Variants in SOX6 observed in about 807,000 individuals in gnomAD.
SOX6 encodes transcription factor SOX-6.
A neutral mutation model predicts 97.8 loss-of-function variants in SOX6; 11 were observed. That is an observed-to-expected ratio of 0.11 (90% CI 0.07 to 0.19). The LOEUF (loss-of-function observed/expected upper bound fraction) is 0.19, where lower values mean the gene tolerates loss of function less well. Among genes scored for constraint, SOX6 ranks in the 10% least tolerant of loss-of-function variants. The pLI, the probability that SOX6 is intolerant of heterozygous loss-of-function variation, is 1.00. For missense variants in SOX6, 810 were observed against 1,039.5 expected (o/e 0.78, Z 3.04); for synonymous variants, 360 against 371.4 (o/e 0.97, Z 0.35).
At chr11:16,285,028 T>C (rs1209986548) in intron 3 of SOX6, among the ~76,000 whole-genome samples, 1 of 152,152 alleles carries the variant, frequency 6.6e-6, no homozygotes, top group East Asian at 1.9e-4. Context: ...TATAATTTTT[T>C]AGATAAAACA....
At chr11:16,291,194 G>A (rs1377507908) in intron 3 of SOX6, among the ~76,000 whole-genome samples, 2 of 146,080 alleles carry the variant, frequency 1.4e-5, no homozygotes, top group Non-Finnish European at 3.0e-5. Context: ...TTTTCAGCAG[G>A]CAATTTATAA....
At chr11:16,229,769 C>T (rs1457111069) in intron 4 of SOX6, among the ~76,000 whole-genome samples, 2 of 151,710 alleles carry the variant, frequency 1.3e-5, no homozygotes, top group African/African-American at 4.8e-5. Flanking sequence ...AAAAAGAAAT[C>T]TCCAAAGAAA....
rs1853156678 is a variant in SOX6, at chr11:15,966,937, A to C, written c.*5872T>G. On this transcript the variant is annotated 3_prime_UTR_variant, in exon 16 of 16. Transcript: ENST00000683767. ...TTTTTTTTATTTTTCCCATTTCTTT[A>C]ATCCTTAGCAAACTTTTTATTATTA... is the stretch of plus-strand genomic sequence containing the variant. 6.6e-6 allele frequency: 1 copy of C among 152,142 alleles called. No homozygotes were observed. Among genetic ancestry groups the C allele is most frequent in the South Asian group, 2.1e-4 (1 of 4,832 alleles). The allele number at this position is 152,142 out of a possible 1,614,324, so 9.4% of individuals were successfully genotyped here.
upstream of SOX6, among the ~76,000 whole-genome samples, chr11:16,477,688 A>T (rs1590217955): frequency 6.6e-6 from 1 of 152,322 alleles, no homozygotes; most frequent in East Asian, 1.9e-4. Flanking sequence ...ATCTCTAAAA[A>T]AAGTTTTTTT....
chr11:16,360,162 T>C (rs549025505), upstream of SOX6, among the ~76,000 whole-genome samples: 27 of 152,154 alleles, frequency 1.8e-4, no homozygotes, highest in Non-Finnish European at 3.8e-4. Flanking sequence ...TTGTCCCCCA[T>C]TTCACAGAAG....
intron 4 of SOX6, among the ~76,000 whole-genome samples, chr11:16,494,263 C>A (rs1860558359): frequency 6.6e-6 from 1 of 152,154 alleles, no homozygotes; most frequent in South Asian, 2.1e-4. Context: ...GTAGTCCCAG[C>A]TACTCAGGAG....
intron 15 of SOX6, among the ~76,000 whole-genome samples, chr11:15,978,949 TA>T (rs1464547287): frequency 1.2e-3 from 172 of 138,900 alleles, no homozygotes; most frequent in African/African-American, 4.2e-3. Flanking sequence ...AAAATAAGCA[TA>T]TATAATGCTT....
intron 3 of SOX6, among the ~76,000 whole-genome samples, chr11:16,262,196 G>A (rs1853921612): frequency 6.6e-6 from 1 of 152,024 alleles, no homozygotes; most frequent in African/African-American, 2.4e-5. Context: ...CTCTATATGA[G>A]CATCAAATGT....
chr11:16,386,297 T>A (rs1857982250), intron 1 of SOX6, among the ~76,000 whole-genome samples: 1 of 151,590 alleles, frequency 6.6e-6, no homozygotes, highest in Admixed American at 6.6e-5. Flanking sequence ...ACTTTCCTGA[T>A]TCTAAGTTGA....
At chr11:16,122,574 C>T (rs1849519971) in intron 6 of SOX6, among the ~76,000 whole-genome samples, 1 of 152,054 alleles carries the variant, frequency 6.6e-6, no homozygotes, top group South Asian at 2.1e-4. Context: ...TGAAGGCAAT[C>T]TGGCTTTCAC....
chr11:15,993,170 T>A lies in SOX6; in HGVS notation c.1733-3940A>T, dbSNP rs942984326. On this transcript the variant is annotated intron_variant, in intron 13 of 15. Transcript: ENST00000683767. ...CCTTATAAATAGATAAGAAAAATTT[T>A]ACAGCATACTATAAATTGTTTTCAA... Among the ~76,000 whole-genome samples, 10 of 152,208 alleles carry A rather than the reference T, an allele frequency of 6.6e-5. No individual in the cohort carries two copies. The East Asian group carries it at 1.9e-3, about 29-fold the overall frequency.
intron 3 of SOX6, among the ~76,000 whole-genome samples, chr11:16,240,275 AGT>A (rs4031660): frequency 0.15 from 19,028 of 128,858 alleles, 1,274 homozygotes; most frequent in South Asian, 0.21. Context: ...TAGATAATAT[AGT>A]GTGTGTGTGT....
At chr11:15,990,142 T>G (rs1044945292) in intron 13 of SOX6, among the ~76,000 whole-genome samples, 10 of 151,994 alleles carry the variant, frequency 6.6e-5, no homozygotes, top group African/African-American at 2.4e-4. Context: ...TAATTATTGT[T>G]TATGTGACTA....
intron 1 of SOX6, among the ~76,000 whole-genome samples, chr11:16,467,789 T>C (rs997099574): frequency 2.7e-5 from 4 of 149,340 alleles, no homozygotes; most frequent in Non-Finnish European, 6.0e-5. Flanking sequence ...AACTTAAAAG[T>C]TAAAAACAAA....
At chr11:16,372,323 A>T (rs1275497603) in intron 1 of SOX6, among the ~76,000 whole-genome samples, 1 of 152,116 alleles carries the variant, frequency 6.6e-6, no homozygotes, top group African/African-American at 2.4e-5. Context: ...TATACCAAAT[A>T]CTTATTTTTA....
chr11:16,421,490 C>T (rs1463402876), intron 1 of SOX6, among the ~76,000 whole-genome samples: 1 of 152,006 alleles, frequency 6.6e-6, no homozygotes, highest in South Asian at 2.1e-4. Flanking sequence ...AAATTATTGT[C>T]GTGTGAACAA....
chr11:16,166,788 G>A (rs7107697), intron 6 of SOX6, among the ~76,000 whole-genome samples: 8,548 of 152,200 alleles, frequency 0.056, 627 homozygotes, highest in East Asian at 0.37. Flanking sequence ...AGATAAATGT[G>A]AGGAAAATGG....
chr11:16,557,751 C>T (rs1361365546), intron 4 of SOX6, among the ~76,000 whole-genome samples: 1 of 151,764 alleles, frequency 6.6e-6, no homozygotes, highest in African/African-American at 2.4e-5. Context: ...ACATTCTTAT[C>T]ACCATTATTA....
intron 4 of SOX6, among the ~76,000 whole-genome samples, chr11:16,193,064 T>C (rs1168982024): frequency 6.6e-6 from 1 of 152,224 alleles, no homozygotes; most frequent in Non-Finnish European, 1.5e-5. Flanking sequence ...GTCACCACTA[T>C]GTGATGACAA....
Sources: gnomAD v4.1 joint callset for allele counts (sites outside exome capture counted in the v4.1 genomes callset) on GRCh38, gnomAD v4.1.1 for gene constraint, MANE v1.5 for transcripts, NCBI Gene and HGNC (gene_info 2026-07-23, HGNC 2026-07-21) for gene names.